Variants in GULP1 observed in about 807,000 individuals in gnomAD.
The protein encoded by GULP1 is PTB domain-containing engulfment adapter protein 1.
A neutral mutation model predicts 40.9 loss-of-function variants in GULP1; 19 were observed. That is an observed-to-expected ratio of 0.46 (90% confidence interval 0.32 to 0.68). The LOEUF is 0.68. GULP1 is among the 30% of genes least tolerant of loss of function. GULP1 has a pLI of 0.03. For synonymous variants in GULP1, 119 were observed against 117.6 expected (o/e 1.01, Z -0.08); for missense variants, 312 against 362.2 (o/e 0.86, Z 1.12).
intron 4 of GULP1, among the ~76,000 whole-genome samples, chr2:188,499,693 A>G (rs1015858144): frequency 6.6e-6 from 1 of 151,794 alleles, no homozygotes; most frequent in Non-Finnish European, 1.5e-5. Context: ...CAAATCTTAA[A>G]TTATTTGAAA....
chr2:188,458,043 C>T (rs1310712788), intron 2 of GULP1, among the ~76,000 whole-genome samples: 1 of 152,136 alleles, frequency 6.6e-6, no homozygotes, highest in East Asian at 1.9e-4. Flanking sequence ...CTAATACCTA[C>T]TCCTTATTCA....
intron 4 of GULP1, among the ~76,000 whole-genome samples, chr2:188,496,048 G>C (rs1283874283): frequency 6.6e-6 from 1 of 151,946 alleles, no homozygotes; most frequent in African/African-American, 2.4e-5. Flanking sequence ...CTCCCAAGCA[G>C]ATTTTATCTG....
At chr2:188,417,507 A>G (rs532711137) in intron 2 of GULP1, among the ~76,000 whole-genome samples, 3 of 152,354 alleles carry the variant, frequency 2.0e-5, no homozygotes, top group South Asian at 2.1e-4. Context: ...CAGGAAAAAA[A>G]TATATCACTA....
chr2:188,318,629 AT>A (rs1412348789), intron 1 of GULP1, among the ~76,000 whole-genome samples: 1 of 151,300 alleles, frequency 6.6e-6, no homozygotes, highest in African/African-American at 2.4e-5. Flanking sequence ...TTAGTTTATC[AT>A]TGGCATGGTG....
intron 2 of GULP1, among the ~76,000 whole-genome samples, chr2:188,436,838 G>A (rs560356760): frequency 6.6e-6 from 1 of 152,052 alleles, no homozygotes; most frequent in African/African-American, 2.4e-5. Flanking sequence ...AAACATTTTG[G>A]AAACCACTTT....
At chr2:188,479,787 C>T in intron 3 of GULP1, among the ~76,000 whole-genome samples, 1 of 151,800 alleles carries the variant, frequency 6.6e-6, no homozygotes, top group Admixed American at 6.6e-5. Context: ...TTGAGAAATC[C>T]CAAGAGTTGG....
chr2:188,405,290 C>A (rs1024553667), intron 2 of GULP1, among the ~76,000 whole-genome samples: 5 of 152,184 alleles, frequency 3.3e-5, no homozygotes, highest in Non-Finnish European at 7.3e-5. Flanking sequence ...TCTCAGCCCC[C>A]TGATTGGCTC....
chr2:188,477,123 A>G lies in GULP1; in HGVS notation c.-44-536A>G, dbSNP rs551852106. Among the ~76,000 whole-genome samples the G allele has an allele frequency of 2.0e-5, 3 of 152,236 alleles. No homozygotes were observed. The East Asian group carries it at 5.8e-4, about 29-fold the overall frequency. On this transcript the variant is annotated intron_variant, in intron 2 of 11. Transcript: ENST00000409830. Reference sequence around the variant, plus strand: ...TATATCTAAGACAAAGATTGTAGCTAATATCTTCTGAGCTCAATATGTACC... The same window carrying G: ...TATATCTAAGACAAAGATTGTAGCTGATATCTTCTGAGCTCAATATGTACC...
intron 10 of GULP1, among the ~76,000 whole-genome samples, chr2:188,585,632 C>T (rs1304287764): frequency 1.3e-5 from 2 of 152,314 alleles, no homozygotes; most frequent in East Asian, 3.9e-4. Flanking sequence ...CCCCTTTTAG[C>T]CATGGCTAGA....
intron 1 of GULP1, among the ~76,000 whole-genome samples, chr2:188,345,241 C>T (rs915452212): frequency 5.9e-5 from 9 of 152,288 alleles, no homozygotes; most frequent in Non-Finnish European, 1.3e-4. Context: ...AGCAACACAC[C>T]ACTCTCCTAA....
chr2:188,546,031 T>TA (rs780162645), intron 7 of GULP1, among the ~76,000 whole-genome samples: 1 of 151,844 alleles, frequency 6.6e-6, no homozygotes, highest in African/African-American at 2.4e-5. Context: ...CCCAAGAAGA[T>TA]ATGGTAATCC....
rs141398193 is a variant in GULP1 at position 188,329,266 on chromosome 2, C to T, written c.-172+37100C>T. Among the ~76,000 whole-genome samples the T allele has an allele frequency of 9.9e-3, 1,509 of 152,126 alleles. 37 individuals are homozygous for T. The highest frequency in any genetic ancestry group is 0.034 in the African/African-American group (1,423 of 41,500). On this transcript the variant is annotated intron_variant, in intron 1 of 11. Coordinates refer to ENST00000409830, the MANE Select transcript of GULP1 (RefSeq NM_016315.4). ...TTTACGTTCTGGTTTTATTACATCC[C>T]TCTTGTACCCTTGTAAACAGTTCTT... is the stretch of plus-strand genomic sequence containing the variant.
chr2:188,545,935 A>G (rs1691837665), intron 7 of GULP1, among the ~76,000 whole-genome samples: 1 of 151,952 alleles, frequency 6.6e-6, no homozygotes, highest in Non-Finnish European at 1.5e-5. Context: ...AGTAGTAACT[A>G]TATTTACATC....
chr2:188,312,553 G>A (rs1367769992), intron 1 of GULP1, among the ~76,000 whole-genome samples: 1 of 152,060 alleles, frequency 6.6e-6, no homozygotes, highest in Non-Finnish European at 1.5e-5. Flanking sequence ...ATCATTGATG[G>A]GCATTTGGTT....
chr2:188,387,784 A>T (rs760945006), intron 2 of GULP1, among the ~76,000 whole-genome samples: 3 of 152,184 alleles, frequency 2.0e-5, no homozygotes, highest in Admixed American at 6.5e-5. Context: ...TTGGATTCTT[A>T]TAACTAGGCA....
intron 2 of GULP1, among the ~76,000 whole-genome samples, chr2:188,476,508 CTCTAGGTTA>C (rs1242722306): frequency 6.6e-6 from 1 of 151,560 alleles, no homozygotes; most frequent in Non-Finnish European, 1.5e-5. Flanking sequence ...TGAAGCAGGT[CTCTAGGTTA>C]TCAAGGAAGA....
intron 7 of GULP1, among the ~76,000 whole-genome samples, chr2:188,560,068 C>T (rs1351655408): frequency 6.6e-5 from 10 of 152,128 alleles, no homozygotes; most frequent in South Asian, 4.1e-4. Context: ...TTATCAGCAG[C>T]GTGAAAGTGG....
chr2:188,577,343 A>C (rs1700363232), intron 9 of GULP1, among the ~76,000 whole-genome samples: 1 of 152,102 alleles, frequency 6.6e-6, no homozygotes, highest in Admixed American at 6.5e-5. Flanking sequence ...TTTTTCTGCT[A>C]CTATTGAAGT....
At chr2:188,554,691 GT>G (rs1694316564) in intron 7 of GULP1, among the ~76,000 whole-genome samples, 1 of 151,680 alleles carries the variant, frequency 6.6e-6, no homozygotes, top group South Asian at 2.1e-4. Flanking sequence ...AAATTTGGAG[GT>G]TTTTGTTATC....
Sources: gnomAD v4.1 joint callset for allele counts (sites outside exome capture counted in the v4.1 genomes callset) on GRCh38, gnomAD v4.1.1 for gene constraint, MANE v1.5 for transcripts, NCBI Gene and HGNC (gene_info 2026-07-23, HGNC 2026-07-21) for gene names.